PRELID1: variants seen among roughly 807,000 people sequenced by gnomAD.
The protein encoded by PRELID1 is PRELI domain containing 1.
A neutral mutation model predicts 29.0 loss-of-function variants in PRELID1; 15 were observed. The observed-to-expected ratio is 0.52, with a 90% CI of 0.35 to 0.80. PRELID1 has a LOEUF of 0.80. Ranked by LOEUF, PRELID1 falls within the 30% of genes least tolerant of loss-of-function variation. The pLI is 0.01. For missense variants in PRELID1, 187 were observed against 275.9 expected (o/e 0.68, Z 2.28); for synonymous variants, 79 against 106.5 (o/e 0.74, Z 1.59).
chr5:177,303,966 A>C lies in PRELID1; in HGVS notation c.-20A>C. The C allele has an allele frequency of 3.7e-6, 6 of 1,603,274 alleles. No homozygotes were observed. The highest frequency in any genetic ancestry group is 5.1e-6 in the Non-Finnish European group (6 of 1,178,082). On this transcript the variant is annotated 5_prime_UTR_variant, in exon 1 of 5. An upstream open reading frame in the 5' UTR loses its in-frame stop. Transcript: ENST00000303204. This position sits in a 1 kb window ranked among gnomAD's most constrained non-coding sequence, Gnocchi z 6.1. ...CACCCCTGATGCTGCGCGGGTGCTG[A>C]GCCCGCTTCGGCCGGGACGATGGTG...
At position 177,303,921 on chromosome 5, in the gene PRELID1, C is replaced by T. The variant is rs998647446; in HGVS notation, c.-65C>T. 8.3e-6 allele frequency: 12 copies of T among 1,450,184 alleles called. No homozygotes were observed. The highest frequency in any genetic ancestry group is 1.9e-5 in the Admixed American group (1 of 52,888). The allele number at this position is 1,450,184 out of a possible 1,614,324, so 89.8% of individuals were successfully genotyped here. ...CCGAGCCCCGGCCCGGCCCGGCCCT[C>T]GCGTGCCTCCCAGGCTCCGCACCCC... On this transcript the variant is annotated 5_prime_UTR_variant, in exon 1 of 5. Transcript: ENST00000303204. This position sits in a 1 kb window ranked among gnomAD's most constrained non-coding sequence, Gnocchi z 6.1.
In PRELID1 at chr5:177,306,104, G is replaced by A; in HGVS notation, c.439G>A (p.Gly147Ser). The change falls in exon 4 of 5, where the codon GGT becomes AGT. Residue 147 changes from glycine (G) to serine (S), a missense_variant. Gly to Ser is a moderately conservative substitution (Grantham distance 56, BLOSUM62 0). Transcript: ENST00000303204. ...FGVSRAVQEF[G>S]LARFKSNVTK... ...CATTCTCATCTCATGCCAGGAATTTGGTCTTGCCCGATTCAAAAGCAACGT... is the reference window on the plus strand; with the variant it reads ...CATTCTCATCTCATGCCAGGAATTTAGTCTTGCCCGATTCAAAAGCAACGT... 1 of 1,612,030 alleles carries A rather than the reference G, an allele frequency of 6.2e-7. No homozygotes were observed. Among genetic ancestry groups the A allele is most frequent in the Non-Finnish European group, 8.5e-7 (1 of 1,178,086 alleles).
chr5:177,306,632 T>G lies in PRELID1; in HGVS notation c.*62T>G. The G allele has an allele frequency of 6.4e-7, 1 of 1,550,408 alleles. No homozygotes were observed. Among genetic ancestry groups the G allele is most frequent in the Non-Finnish European group, 8.7e-7 (1 of 1,145,694 alleles). On this transcript the variant is annotated 3_prime_UTR_variant, in exon 5 of 5. Transcript: ENST00000303204. ...GCTTAGCCTCTCTGCCCTCCCTTCA[T>G]TGTACTTTATCATTAAAAATCAACT...
intron 1 of PRELID1, 60 bp downstream of exon 1, chr5:177,304,137 G>C: frequency 6.8e-7 from 1 of 1,479,156 alleles, no homozygotes; most frequent in Non-Finnish European, 9.3e-7. Context: ...TCGAATTATG[G>C]GTAACCCCCA....
Position 177,306,306 on chromosome 5 carries a change from G to T in PRELID1, c.512-116G>T, listed in dbSNP as rs1190378646. ...TGTCTGTACTGGGGGTGGGAGGAGGGTGAATACCACCTTTTTAGTGGAGCC... is the reference window on the plus strand; with the variant it reads ...TGTCTGTACTGGGGGTGGGAGGAGGTTGAATACCACCTTTTTAGTGGAGCC... On this transcript the variant is annotated intron_variant, in intron 4 of 4. Coordinates refer to ENST00000303204, the MANE Select transcript of PRELID1 (RefSeq NM_013237.4). The T allele has an allele frequency of 2.5e-6, 4 of 1,574,454 alleles. No homozygotes were observed. The East Asian group carries it at 9.0e-5, about 35-fold the overall frequency.
intron 1 of PRELID1, 110 bp downstream of exon 1, chr5:177,304,187 TAGA>T: frequency 9.2e-7 from 1 of 1,092,204 alleles, no homozygotes; most frequent in Non-Finnish European, 1.3e-6. Context: ...GAATCCTAGG[TAGA>T]CCTTATCGGG....
Position 177,306,782 on chromosome 5 carries a change from G to A in PRELID1, c.*212G>A, listed in dbSNP as rs775060113. The stretch of plus-strand genomic sequence containing the variant: ...TTCTCCCATTGGGCAGCTGAGGACC[G>A]AGGCACAGAGGTGCGGTGACTTGCC... On this transcript the variant is annotated 3_prime_UTR_variant, in exon 5 of 5. Coordinates refer to ENST00000303204, the MANE Select transcript of PRELID1 (RefSeq NM_013237.4). The A allele has an allele frequency of 3.0e-5, 26 of 880,088 alleles. No individual in the cohort carries two copies. Among genetic ancestry groups the A allele is most frequent in the African/African-American group, 1.0e-4 (6 of 58,858 alleles). 54.5% of individuals were successfully genotyped at this position (880,088 alleles called of 1,614,324 possible). A position where few individuals can be genotyped will look rare whatever the true frequency, so the allele number is the denominator to read the frequency against.
intron 1 of PRELID1, 84 bp from the exon 2 acceptor site, chr5:177,304,541 G>A: frequency 8.4e-7 from 1 of 1,193,466 alleles, no homozygotes; most frequent in Non-Finnish European, 1.2e-6. Flanking sequence ...GCCTCTCTAG[G>A]CCCGGAGCCT....
Position 177,303,829 on chromosome 5 carries a change from C to G in PRELID1, c.-157C>G. The G allele has an allele frequency of 2.0e-6, 1 of 488,502 alleles. No homozygotes were observed. The highest frequency in any genetic ancestry group is 3.3e-6 in the Non-Finnish European group (1 of 299,346). The allele number at this position is 488,502 out of a possible 1,614,324, so 30.3% of individuals were successfully genotyped here. A position where few individuals can be genotyped will look rare whatever the true frequency, so the allele number is the denominator to read the frequency against. Reference sequence around the variant, plus strand: ...GCCGGACAACTCATGGCGGCGGCGGCGGCGGCGGCAGCTGCTTGGGCGCGG... The same window carrying G: ...GCCGGACAACTCATGGCGGCGGCGGGGGCGGCGGCAGCTGCTTGGGCGCGG... On this transcript the variant is annotated 5_prime_UTR_variant, in exon 1 of 5. Coordinates refer to ENST00000303204, the MANE Select transcript of PRELID1 (RefSeq NM_013237.4). This position sits in a 1 kb window ranked among gnomAD's most constrained non-coding sequence, Gnocchi z 6.1.
At chr5:177,304,338 C>T (rs1760798310) in intron 1 of PRELID1, 5 of 598,658 alleles carry the variant, frequency 8.4e-6, no homozygotes, top group Non-Finnish European at 1.5e-5. Flanking sequence ...TGGGAGGGAT[C>T]TTGGAGTTGG....
intron 2 of PRELID1, 100 bp downstream of exon 2, chr5:177,304,950 T>C: frequency 1.6e-6 from 2 of 1,212,498 alleles, no homozygotes; most frequent in Non-Finnish European, 2.3e-6. Flanking sequence ...ATAAGGCAGC[T>C]TTTGTGGCCG....
At position 177,306,793 on chromosome 5, in the gene PRELID1, G is replaced by A. The variant is rs1018002806; in HGVS notation, c.*223G>A. On this transcript the variant is annotated 3_prime_UTR_variant, in exon 5 of 5. Transcript: ENST00000303204. ...GGCAGCTGAGGACCGAGGCACAGAG[G>A]TGCGGTGACTTGCCCGGGGCTCCAG... 17 of 843,118 alleles carry A rather than the reference G, an allele frequency of 2.0e-5. No individual in the cohort carries two copies. Among genetic ancestry groups the A allele is most frequent in the Middle Eastern group, 3.1e-4 (1 of 3,200 alleles). The allele number at this position is 843,118 out of a possible 1,614,324, so 52.2% of individuals were successfully genotyped here. A position where few individuals can be genotyped will look rare whatever the true frequency, so the allele number is the denominator to read the frequency against.
rs978727501 is a variant in PRELID1 at position 177,306,916 on chromosome 5, A to G, written c.*346A>G. ...TCTGATGTGTCTCAGTATCTAGCAC[A>G]TAATAGACACTCAATAAATACTTGT... On this transcript the variant is annotated 3_prime_UTR_variant, in exon 5 of 5. Transcript: ENST00000303204. 18 of 794,946 alleles carry G rather than the reference A, an allele frequency of 2.3e-5. No homozygotes were observed. The highest frequency in any genetic ancestry group is 3.1e-5 in the Non-Finnish European group (16 of 515,088). The allele number at this position is 794,946 out of a possible 1,614,324, so 49.2% of individuals were successfully genotyped here.
intron 2 of PRELID1, 90 bp downstream of exon 2, chr5:177,304,940 A>G (rs770620139): frequency 1.7e-5 from 22 of 1,294,750 alleles, no homozygotes; most frequent in Non-Finnish European, 2.1e-5. Flanking sequence ...CTAGAGAGCC[A>G]TAAGGCAGCT....
Position 177,306,598 on chromosome 5 carries a change from G to A in PRELID1, c.*28G>A, listed in dbSNP as rs752801287. 1.9e-6 allele frequency: 3 copies of A among 1,601,622 alleles called. No individual in the cohort carries two copies. Among genetic ancestry groups the A allele is most frequent in the South Asian group, 1.1e-5 (1 of 88,838 alleles). On this transcript the variant is annotated 3_prime_UTR_variant, in exon 5 of 5. Transcript: ENST00000303204. ...AGTCTACCACCACCACAGCACCCCAGACAGCTAGGCTTAGCCTCTCTGCCC... is the reference window on the plus strand; with the variant it reads ...AGTCTACCACCACCACAGCACCCCAAACAGCTAGGCTTAGCCTCTCTGCCC...
At chr5:177,305,010 G>A (rs1436477271) in intron 2 of PRELID1, among the ~76,000 whole-genome samples, 160 bp downstream of exon 2, 2 of 152,150 alleles carry the variant, frequency 1.3e-5, no homozygotes, top group Non-Finnish European at 2.9e-5. Flanking sequence ...TATGACCTCA[G>A]GTTTTCTTCT....
rs575638017 is a variant in PRELID1 at position 177,306,807 on chromosome 5, C to T, written c.*237C>T. On this transcript the variant is annotated 3_prime_UTR_variant, in exon 5 of 5. Transcript: ENST00000303204. Reference sequence around the variant, plus strand: ...GAGGCACAGAGGTGCGGTGACTTGCCCGGGGCTCCAGGTAGCCTGCAGGTT... The same window carrying T: ...GAGGCACAGAGGTGCGGTGACTTGCTCGGGGCTCCAGGTAGCCTGCAGGTT... 1.8e-5 allele frequency: 14 copies of T among 785,110 alleles called. No individual in the cohort carries two copies. In the African/African-American group the frequency reaches 2.1e-4, roughly 12 times the overall value. 48.6% of individuals were successfully genotyped at this position (785,110 alleles called of 1,614,324 possible).
At position 177,306,411 on chromosome 5, in the gene PRELID1, G is replaced by C. The variant is rs748681104; in HGVS notation, c.512-11G>C. The C allele has an allele frequency of 1.2e-6, 2 of 1,613,938 alleles. No homozygotes were observed. The highest frequency in any genetic ancestry group is 1.7e-4 in the Middle Eastern group (1 of 6,060). ...CATCTTCTAAAGGCAGCCACCTGCC[G>C]TTCGCGACAGGCGAGGCCCCTTCCA... On this transcript the variant is annotated splice_polypyrimidine_tract_variant and intron_variant, in intron 4 of 4. Coordinates refer to ENST00000303204, the MANE Select transcript of PRELID1 (RefSeq NM_013237.4).
intron 2 of PRELID1, chr5:177,305,601 C>G (rs918411284): frequency 4.3e-6 from 2 of 463,524 alleles, no homozygotes; most frequent in Non-Finnish European, 3.9e-6. Context: ...AAACAAAATC[C>G]AGGAGCAGGA....
Sources: allele counts gnomAD v4.1 joint callset (sites outside exome capture counted in the v4.1 genomes callset), GRCh38; gene constraint gnomAD v4.1.1; non-coding constraint Gnocchi (gnomAD v3.1); transcripts MANE v1.5; gene names NCBI Gene and HGNC (gene_info 2026-07-23, HGNC 2026-07-21).